The following PEX1 variants were observed in gnomAD, a reference collection of about 807,000 sequenced individuals.
PEX1 encodes the protein peroxisomal biogenesis factor 1.
Under a neutral mutation model 152.5 loss-of-function variants are expected in PEX1, and 97 were observed. The ratio of observed to expected loss-of-function variants is 0.64; its 90% CI spans 0.54 to 0.75. PEX1 has a LOEUF of 0.75. PEX1 is among the 30% of genes least tolerant of loss of function. The pLI is 0.00. For missense variants in PEX1, 1,357 were observed against 1,516.3 expected (o/e 0.89, Z 1.74); for synonymous variants, 485 against 531.6 (o/e 0.91, Z 1.21).
intron 1 of PEX1, among the ~76,000 whole-genome samples, chr7:92,523,003 A>C (rs1793118044): frequency 6.6e-6 from 1 of 152,248 alleles, no homozygotes; most frequent in Admixed American, 6.5e-5. Flanking sequence ...TATAGGTTTT[A>C]AAAAAGCAAA....
At chr7:92,520,596 TC>T (rs1793006914) in intron 2 of PEX1, among the ~76,000 whole-genome samples, 1 of 151,782 alleles carries the variant, frequency 6.6e-6, no homozygotes, top group Non-Finnish European at 1.5e-5. Context: ...CACATATATA[TC>T]TGATTCTGAG....
At chr7:92,505,821 G>C (rs1001255931) in intron 11 of PEX1, among the ~76,000 whole-genome samples, 1 of 152,124 alleles carries the variant, frequency 6.6e-6, no homozygotes, top group Non-Finnish European at 1.5e-5. Context: ...AAATGTTAAG[G>C]ACTTTAAAAG....
At chr7:92,491,716 A>C in intron 20 of PEX1, 1 of 510,452 alleles carries the variant, frequency 2.0e-6, no homozygotes, top group Non-Finnish European at 3.5e-6. Context: ...ATAATTTACC[A>C]ACCATCCCCC....
intron 9 of PEX1, among the ~76,000 whole-genome samples, chr7:92,508,266 T>C: frequency 6.6e-6 from 1 of 152,136 alleles, no homozygotes; most frequent in East Asian, 1.9e-4. Context: ...AGATTTTACT[T>C]TATGCTGGGC....
chr7:92,517,055 C>T (rs1457393076), intron 5 of PEX1, among the ~76,000 whole-genome samples: 2 of 152,204 alleles, frequency 1.3e-5, no homozygotes, highest in Non-Finnish European at 2.9e-5. Context: ...CTGAACCTAT[C>T]TAAGCTTGTA....
At chr7:92,504,078 T>C (rs548965693) in intron 12 of PEX1, among the ~76,000 whole-genome samples, 1 of 152,090 alleles carries the variant, frequency 6.6e-6, no homozygotes, top group African/African-American at 2.4e-5. Context: ...TACTCTTCCA[T>C]CAAAACTCGG....
At chr7:92,517,123 C>T (rs1266582425) in intron 5 of PEX1, among the ~76,000 whole-genome samples, 153 bp downstream of exon 5, 1 of 152,240 alleles carries the variant, frequency 6.6e-6, no homozygotes, top group East Asian at 1.9e-4. Flanking sequence ...AAGGACTTTA[C>T]TGCAAAGCGT....
chr7:92,519,047 G>A lies in PEX1; in HGVS notation c.305C>T (p.Ser102Phe), dbSNP rs143369243. 2 of 1,610,188 alleles carry A rather than the reference G, an allele frequency of 1.2e-6. No homozygotes were observed. The highest frequency in any genetic ancestry group is 3.3e-5 in the Admixed American group (2 of 60,014). The change falls in exon 3 of 24, where the codon TCT becomes TTT. Residue 102 changes from serine (S) to phenylalanine (F), a missense_variant. Transcript: ENST00000248633. ...VFLKPCSHVV[S>F]CQQVEVEPLS... ...GGGTTCCACCTCAACTTGTTGACAA[G>A]ATACCACATGGGAACATGGCTTGAG...
At position 92,517,701 on chromosome 7, in the gene PEX1, C is replaced by T. The variant is rs528610267; in HGVS notation, c.814G>A (p.Ala272Thr). ...ETSWGLTEIN[A>T]FKNMQSKVVP... ...ACCTTTGACTGCATATTTTTGAATGCATTGATTTCAGTTAAACCCCAAGAT... is the reference window on the plus strand; with the variant it reads ...ACCTTTGACTGCATATTTTTGAATGTATTGATTTCAGTTAAACCCCAAGAT... Residue 272 changes from alanine to threonine, a missense_variant, in exon 5 of 24, where the codon GCA (alanine) becomes ACA (threonine). Transcript: ENST00000248633. 2.5e-6 allele frequency: 4 copies of T among 1,613,358 alleles called. No homozygotes were observed. In the East Asian group the frequency reaches 6.7e-5, roughly 27 times the overall value.
In PEX1 at chr7:92,528,034, T is replaced by A. The variant is rs1380842336; in HGVS notation, c.129+273A>T. Among the ~76,000 whole-genome samples the A allele has an allele frequency of 2.6e-5, 4 of 152,240 alleles. No individual in the cohort carries two copies. In the East Asian group the frequency reaches 7.7e-4, roughly 29 times the overall value. On this transcript the variant is annotated intron_variant, in intron 1 of 23. Transcript: ENST00000248633. The stretch of plus-strand genomic sequence containing the variant: ...TCTCAGGAGCTTTTCCAGCCTGGAA[T>A]AAGGAATATTTATAAAAACAGTGGT...
At chr7:92,501,821 C>T in intron 14 of PEX1, 69 bp downstream of exon 14, 1 of 1,451,388 alleles carries the variant, frequency 6.9e-7, no homozygotes, top group East Asian at 2.3e-5. Context: ...TAATTCTTGT[C>T]TTACTACAAT....
chr7:92,507,098 A>T lies in PEX1; in HGVS notation c.1699T>A (p.Leu567Met). The change falls in exon 10 of 24, where the codon TTG (leucine) becomes ATG (methionine). Residue 567 changes from leucine (L) to methionine (M), a missense_variant. Physicochemically the swap from Leu to Met is conservative, Grantham distance 15. Transcript: ENST00000248633. Reference protein sequence around the residue: ...GGVNSLGVSSLEHITHSLLGR... With the variant: ...GGVNSLGVSSMEHITHSLLGR... ...AGGAGGCTGTGAGTGATGTGCTCCA[A>T]GGAGGATACGCCTAAGGAATTCACT... 1 of 1,613,924 alleles carries T rather than the reference A, an allele frequency of 6.2e-7. No homozygotes were observed. Among genetic ancestry groups the T allele is most frequent in the South Asian group, 1.1e-5 (1 of 91,084 alleles).
At chr7:92,528,199 G>T (rs968358237) in intron 1 of PEX1, 108 bp downstream of exon 1, 1 of 1,449,770 alleles carries the variant, frequency 6.9e-7, no homozygotes, top group Non-Finnish European at 9.3e-7. Context: ...ATCTCTGCGC[G>T]CTTCGGCGGC....
intron 1 of PEX1, among the ~76,000 whole-genome samples, chr7:92,524,749 A>G (rs1209462021): frequency 1.3e-5 from 2 of 152,190 alleles, no homozygotes; most frequent in Admixed American, 6.5e-5. Context: ...CTGGCTGACA[A>G]ATTCTTTCAA....
At position 92,513,839 on chromosome 7, in the gene PEX1, T is replaced by C; in HGVS notation, c.1359+9A>G. On this transcript the variant is annotated intron_variant, in intron 6 of 23. Transcript: ENST00000248633. ...AGAATTTTGATGTAACATATATATT[T>C]GAACTCACTAAATTCTCTCTAGGTT... 6.3e-7 allele frequency: 1 copy of C among 1,591,594 alleles called. No individual in the cohort carries two copies. The highest frequency in any genetic ancestry group is 2.2e-5 in the East Asian group (1 of 44,656).
intron 10 of PEX1, chr7:92,506,628 T>C (rs113875894): frequency 4.3e-4 from 217 of 504,864 alleles, no homozygotes; most frequent in African/African-American, 3.0e-3. Context: ...CTCAGCAATG[T>C]AGAAAGAATG....
In PEX1 at chr7:92,516,067, AAAGAAAAG is replaced by A. The variant is rs1562864944; in HGVS notation, c.1239+1201_1239+1208del. On this transcript the variant is annotated intron_variant, in intron 5 of 23. Transcript: ENST00000248633. ...AGAAGAGAAGAGAAAAAAGAAAAGA[AAAGAAAAG>A]AAAAGAAAAGAAAAGAAAAGAAAAG... is the stretch of plus-strand genomic sequence containing the variant. Among the ~76,000 whole-genome samples the A allele has an allele frequency of 2.8e-3, 383 of 134,574 alleles. 1 individual carries two copies. Among genetic ancestry groups the A allele is most frequent in the South Asian group, 5.3e-3 (21 of 3,934 alleles). 88.3% of individuals were successfully genotyped at this position (134,574 alleles called of 152,430 possible). A position where few individuals can be genotyped will look rare whatever the true frequency, so the allele number is the denominator to read the frequency against.
chr7:92,502,983 GA>G lies in PEX1; in HGVS notation c.2226+57del, dbSNP rs138118520. ...AAAGCCACGAATTACTAATAAAATT[GA>G]AAAATAATTTCTATAAAAGGGACAT... On this transcript the variant is annotated intron_variant, in intron 13 of 23. Coordinates refer to ENST00000248633, the MANE Select transcript of PEX1 (RefSeq NM_000466.3). 3,469 of 1,450,164 alleles carry G rather than the reference GA, an allele frequency of 2.4e-3. 78 individuals are homozygous for G. The African/African-American group carries it at 0.044, about 19-fold the overall frequency. 89.8% of individuals were successfully genotyped at this position (1,450,164 alleles called of 1,614,324 possible). A position where few individuals can be genotyped will look rare whatever the true frequency, so the allele number is the denominator to read the frequency against.
In PEX1 at chr7:92,502,970, T is replaced by TA; in HGVS notation, c.2226+70dup. ...GAAGCATAAATTTAAAGCCACGAATTACTAATAAAATTGAAAAATAATTTC... is the reference window on the plus strand; with the variant it reads ...GAAGCATAAATTTAAAGCCACGAATTAACTAATAAAATTGAAAAATAATTTC... On this transcript the variant is annotated intron_variant, in intron 13 of 23. Coordinates refer to ENST00000248633, the MANE Select transcript of PEX1 (RefSeq NM_000466.3). 2.3e-6 allele frequency: 3 copies of TA among 1,306,270 alleles called. No homozygotes were observed. In the South Asian group the frequency reaches 3.7e-5, roughly 16 times the overall value. The allele number at this position is 1,306,270 out of a possible 1,614,324, so 80.9% of individuals were successfully genotyped here.
Sources: allele counts gnomAD v4.1 joint callset (sites outside exome capture counted in the v4.1 genomes callset), GRCh38; gene constraint gnomAD v4.1.1; transcripts MANE v1.5; gene names NCBI Gene and HGNC (gene_info 2026-07-23, HGNC 2026-07-21).